The following NELL1 variants were observed in gnomAD, a reference collection of about 807,000 sequenced individuals.
NELL1 encodes the protein neural EGFL like 1.
NELL1 carries 76 observed loss-of-function variants against 107.4 expected under a neutral mutation model. That is an observed-to-expected ratio of 0.71 (90% confidence interval 0.59 to 0.86). The LOEUF is 0.86. Ranked by LOEUF, NELL1 falls within the 40% of genes least tolerant of loss-of-function variation. The pLI is 0.00. For synonymous variants in NELL1, 353 were observed against 341.2 expected (o/e 1.03, Z -0.38); for missense variants, 1,024 against 1,005.5 (o/e 1.02, Z -0.25).
chr11:21,218,818 ATTTTATTCTTTTTATTAC>A (rs1400379522), intron 13 of NELL1, among the ~76,000 whole-genome samples: 1 of 152,110 alleles, frequency 6.6e-6, no homozygotes, highest in Non-Finnish European at 1.5e-5. Context: ...TAATGGCAGG[ATTTTATTCTTTTTATTAC>A]TTTGTAGTAT....
intron 7 of NELL1, among the ~76,000 whole-genome samples, chr11:20,919,718 G>A (rs567062235): frequency 2.0e-5 from 3 of 152,164 alleles, no homozygotes; most frequent in South Asian, 2.1e-4. Flanking sequence ...GCCAGTAATC[G>A]GAAGGGGCAA....
At chr11:21,096,363 T>C (rs1280235116) in intron 12 of NELL1, among the ~76,000 whole-genome samples, 1 of 152,228 alleles carries the variant, frequency 6.6e-6, no homozygotes, top group Non-Finnish European at 1.5e-5. Context: ...TGAATTCCTT[T>C]GGGGATACAG....
rs1482209597 is a variant in NELL1, at chr11:20,928,408, G to A, written c.926G>A (p.Cys309Tyr). The A allele has an allele frequency of 1.9e-6, 3 of 1,613,894 alleles. No homozygotes were observed. The highest frequency in any genetic ancestry group is 2.7e-5 in the African/African-American group (2 of 74,886). ...GCCGTGGAATGCCGAAGGATGTCCT[G>A]TCCCCCTCTCAATTGCTCCCCAGAC... ...SGAVECRRMS[C>Y]PPLNCSPDSL... is the part of the protein sequence containing the mutation. The change falls in exon 9 of 20, where the codon TGT becomes TAT. Residue 309 changes from cysteine to tyrosine, a missense_variant. Cys to Tyr is a radical substitution (Grantham distance 194). Transcript: ENST00000357134.
At chr11:21,413,402 A>G (rs1852428586) in intron 15 of NELL1, among the ~76,000 whole-genome samples, 1 of 152,002 alleles carries the variant, frequency 6.6e-6, no homozygotes, top group Admixed American at 6.6e-5. Flanking sequence ...CCCATTATCC[A>G]TCTTAGATGC....
intron 15 of NELL1, among the ~76,000 whole-genome samples, chr11:21,378,469 G>A (rs1851532928): frequency 6.6e-6 from 1 of 151,740 alleles, no homozygotes; most frequent in Non-Finnish European, 1.5e-5. Flanking sequence ...TGCTATGAGA[G>A]GCACACCTTC....
At chr11:20,741,657 C>T (rs1275774930) in intron 2 of NELL1, among the ~76,000 whole-genome samples, 2 of 152,136 alleles carry the variant, frequency 1.3e-5, no homozygotes, top group Non-Finnish European at 2.9e-5. Flanking sequence ...GCTAGTGGTA[C>T]TGGGTACTTC....
chr11:20,842,138 A>T (rs1304622731), intron 3 of NELL1, among the ~76,000 whole-genome samples: 2 of 152,122 alleles, frequency 1.3e-5, no homozygotes, highest in African/African-American at 2.4e-5. Flanking sequence ...GCAGTTTGGG[A>T]GGCCGAGGTG....
chr11:20,884,141 T>G (rs1245254607), intron 4 of NELL1, among the ~76,000 whole-genome samples: 2 of 152,144 alleles, frequency 1.3e-5, no homozygotes, highest in East Asian at 3.9e-4. Context: ...AGGTTTCCAG[T>G]GGGGAATAGT....
chr11:20,701,396 A>T (rs1854783307), intron 2 of NELL1, among the ~76,000 whole-genome samples: 1 of 152,084 alleles, frequency 6.6e-6, no homozygotes, highest in African/African-American at 2.4e-5. Context: ...TTCTTTGTAG[A>T]TTCTGGATAT....
chr11:21,379,630 T>G (rs2133766369), intron 15 of NELL1, among the ~76,000 whole-genome samples: 1 of 152,164 alleles, frequency 6.6e-6, no homozygotes, highest in African/African-American at 2.4e-5. Context: ...AAGCTTAAAA[T>G]AAAGAGAACA....
chr11:20,703,458 GATTC>G (rs1221875855), intron 2 of NELL1, among the ~76,000 whole-genome samples: 1 of 152,060 alleles, frequency 6.6e-6, no homozygotes, highest in East Asian at 1.9e-4. Context: ...CCAGCTCCCG[GATTC>G]ATTGGTTTTT....
chr11:20,765,850 A>C (rs529262316), intron 2 of NELL1, among the ~76,000 whole-genome samples: 44 of 152,346 alleles, frequency 2.9e-4, no homozygotes, highest in African/African-American at 1.0e-3. Flanking sequence ...AAAATTGACC[A>C]CTGTTACCAT....
At chr11:21,314,097 C>T (rs1590828523) in intron 14 of NELL1, among the ~76,000 whole-genome samples, 1 of 147,490 alleles carries the variant, frequency 6.8e-6, no homozygotes, top group Non-Finnish European at 1.5e-5. Context: ...TGAGGCCTCC[C>T]CAGGAGCAGA....
intron 13 of NELL1, among the ~76,000 whole-genome samples, chr11:21,227,865 T>C (rs1171628914): frequency 6.6e-6 from 1 of 152,218 alleles, no homozygotes; most frequent in Non-Finnish European, 1.5e-5. Context: ...CTGTTGTGTG[T>C]GTGTGATGAA....
In NELL1 at chr11:20,975,916, AAC is replaced by A. The variant is rs1221913132; in HGVS notation, c.1300+15362_1300+15363del. ...TATATACATATATGTGTATTATATA[AAC>A]ACACATATATGTACATATATGTGTA... On this transcript the variant is annotated intron_variant, in intron 12 of 19. Coordinates refer to ENST00000357134, the MANE Select transcript of NELL1 (RefSeq NM_006157.5). Among the ~76,000 whole-genome samples the A allele has an allele frequency of 4.9e-4, 44 of 89,578 alleles. 1 individual carries two copies. The highest frequency in any genetic ancestry group is 2.3e-3 in the African/African-American group (43 of 18,636). 58.8% of individuals were successfully genotyped at this position (89,578 alleles called of 152,430 possible).
intron 15 of NELL1, among the ~76,000 whole-genome samples, chr11:21,412,004 G>A (rs1342172267): frequency 6.6e-6 from 1 of 152,050 alleles, no homozygotes; most frequent in Non-Finnish European, 1.5e-5. Flanking sequence ...TTGTGTGTGA[G>A]TTCTGTTCAC....
intron 14 of NELL1, among the ~76,000 whole-genome samples, chr11:21,251,774 G>T (rs901047089): frequency 6.6e-6 from 1 of 152,064 alleles, no homozygotes; most frequent in Non-Finnish European, 1.5e-5. Context: ...GCGATGGAAT[G>T]GATCACCATG....
intron 12 of NELL1, among the ~76,000 whole-genome samples, chr11:21,101,274 T>C (rs975188176): frequency 3.9e-5 from 6 of 152,228 alleles, no homozygotes; most frequent in Non-Finnish European, 7.3e-5. Flanking sequence ...GTCTTTGCTA[T>C]TGTGAATAGT....
At chr11:21,356,533 T>C (rs1475902302) in intron 14 of NELL1, among the ~76,000 whole-genome samples, 2 of 152,086 alleles carry the variant, frequency 1.3e-5, no homozygotes, top group Non-Finnish European at 2.9e-5. Context: ...CTCCTGCAAA[T>C]GGGGGGCATT....
Sources: allele counts gnomAD v4.1 joint callset (sites outside exome capture counted in the v4.1 genomes callset), GRCh38; gene constraint gnomAD v4.1.1; transcripts MANE v1.5; gene names NCBI Gene and HGNC (gene_info 2026-07-23, HGNC 2026-07-21).